The following RPS6KA2 variants were observed in gnomAD, a reference collection of about 807,000 sequenced individuals.
RPS6KA2 encodes the protein ribosomal protein S6 kinase A2, also known as ribosomal protein S6 kinase alpha-2.
Under a neutral mutation model 91.8 loss-of-function variants are expected in RPS6KA2, and 42 were observed. The observed-to-expected ratio is 0.46, with a 90% CI of 0.36 to 0.59. The LOEUF (loss-of-function observed/expected upper bound fraction) is 0.59. RPS6KA2 is among the 20% of genes least tolerant of loss of function. The pLI, the probability that RPS6KA2 is intolerant of heterozygous loss-of-function variation, is 0.00. For missense variants in RPS6KA2, 798 were observed against 978.5 expected (o/e 0.82, Z 2.46); for synonymous variants, 414 against 393.6 (o/e 1.05, Z -0.61).
intron 2 of RPS6KA2, among the ~76,000 whole-genome samples, chr6:166,718,093 C>T (rs1790066765): frequency 1.3e-5 from 2 of 152,314 alleles, no homozygotes; most frequent in South Asian, 4.1e-4. Flanking sequence ...GGTGATCCAC[C>T]CACCTCGGCC....
chr6:166,654,993 G>A (rs1331531957), intron 2 of RPS6KA2, among the ~76,000 whole-genome samples: 3 of 152,130 alleles, frequency 2.0e-5, no homozygotes, highest in Admixed American at 2.0e-4. Flanking sequence ...TTTCAAGGCT[G>A]AGGGTGGGGG....
At chr6:166,539,156 G>A (rs184605806) in intron 1 of RPS6KA2, among the ~76,000 whole-genome samples, 2 of 152,250 alleles carry the variant, frequency 1.3e-5, no homozygotes, top group East Asian at 3.9e-4. Flanking sequence ...CTGACCTCGC[G>A]ATCCACCTGC....
intron 2 of RPS6KA2, among the ~76,000 whole-genome samples, chr6:166,810,013 TA>T (rs944611490): frequency 2.0e-4 from 30 of 152,320 alleles, no homozygotes; most frequent in African/African-American, 7.0e-4. Flanking sequence ...CAGTTACGCA[TA>T]ACTGGAGAGG....
chr6:166,641,281 A>C (rs1414136719), intron 2 of RPS6KA2, among the ~76,000 whole-genome samples: 1 of 152,226 alleles, frequency 6.6e-6, no homozygotes, highest in Non-Finnish European at 1.5e-5. Flanking sequence ...ATTTGTATAA[A>C]TAATATAAAA....
At chr6:166,673,365 C>G (rs1163743776) in intron 2 of RPS6KA2, among the ~76,000 whole-genome samples, 3 of 152,206 alleles carry the variant, frequency 2.0e-5, no homozygotes, top group Non-Finnish European at 2.9e-5. Context: ...CCAACTGCAG[C>G]TGCCATAAGG....
intron 2 of RPS6KA2, among the ~76,000 whole-genome samples, chr6:166,670,459 G>A (rs919986308): frequency 1.3e-5 from 2 of 152,200 alleles, no homozygotes; most frequent in African/African-American, 4.8e-5. Flanking sequence ...TTTAATGCCA[G>A]TAAGTTTGGG....
intron 2 of RPS6KA2, among the ~76,000 whole-genome samples, chr6:166,762,952 T>G (rs1024650702): frequency 6.6e-6 from 1 of 152,252 alleles, no homozygotes; most frequent in Admixed American, 6.5e-5. Context: ...AAGTTCAGTT[T>G]CCTTTGGAAG....
chr6:166,524,236 C>T (rs1177690098), intron 3 of RPS6KA2, among the ~76,000 whole-genome samples: 1 of 152,200 alleles, frequency 6.6e-6, no homozygotes, highest in East Asian at 1.9e-4. Flanking sequence ...GAATGCATAT[C>T]TCCTCTAGGC....
intron 2 of RPS6KA2, among the ~76,000 whole-genome samples, chr6:166,747,598 C>T (rs1266351181): frequency 2.0e-5 from 3 of 152,212 alleles, no homozygotes; most frequent in South Asian, 2.1e-4. Flanking sequence ...CCCCTTTCCA[C>T]CACACAGACT....
In RPS6KA2 at chr6:166,495,136, G is replaced by C. The variant is rs113984430; in HGVS notation, c.747+3372C>G. ...GGGACTATTATGTGATCTTGAGCCC[G>C]ACACTTAGGCTCTTTCAGCTTTAGT... On this transcript the variant is annotated intron_variant, in intron 8 of 20. Transcript: ENST00000265678. This position sits in a 1 kb window ranked among gnomAD's most constrained non-coding sequence, Gnocchi z 4.4. 1.4e-4 allele frequency among the ~76,000 whole-genome samples: 21 copies of C among 152,206 alleles called. No homozygotes were observed. The highest frequency in any genetic ancestry group is 4.6e-4 in the African/African-American group (19 of 41,450).
intron 12 of RPS6KA2, among the ~76,000 whole-genome samples, chr6:166,455,686 G>T (rs375355034): frequency 6.6e-6 from 1 of 152,174 alleles, no homozygotes; most frequent in Non-Finnish European, 1.5e-5. Flanking sequence ...CTTTCTGAGC[G>T]GCTCTGCTTC....
intron 2 of RPS6KA2, among the ~76,000 whole-genome samples, chr6:166,789,613 C>T (rs9457214): frequency 6.6e-6 from 1 of 152,136 alleles, no homozygotes; most frequent in African/African-American, 2.4e-5. Flanking sequence ...AGACACCCCC[C>T]AGTAGGGGCA....
intron 12 of RPS6KA2, among the ~76,000 whole-genome samples, chr6:166,457,093 T>C (rs1780129380): frequency 6.6e-6 from 1 of 152,228 alleles, no homozygotes; most frequent in South Asian, 2.1e-4. Context: ...AACATAGACT[T>C]TCTTTCCACA....
intron 2 of RPS6KA2, among the ~76,000 whole-genome samples, chr6:166,778,532 G>A (rs1464541930): frequency 6.6e-6 from 1 of 152,174 alleles, no homozygotes; most frequent in African/African-American, 2.4e-5. Flanking sequence ...TTCGGAGGCC[G>A]AGATGGGTGG....
chr6:166,567,855 G>A (rs1387793876), intron 1 of RPS6KA2, among the ~76,000 whole-genome samples: 4 of 152,164 alleles, frequency 2.6e-5, no homozygotes, highest in South Asian at 2.1e-4. Context: ...CTAAGCTTAC[G>A]TTTCCCAAGG....
intron 16 of RPS6KA2, among the ~76,000 whole-genome samples, chr6:166,427,320 C>T (rs975382681): frequency 4.9e-4 from 74 of 152,254 alleles, no homozygotes; most frequent in Non-Finnish European, 7.6e-4. Context: ...TAAGAGCTAT[C>T]GATGACAAAC....
intron 2 of RPS6KA2, among the ~76,000 whole-genome samples, chr6:166,805,237 C>T (rs1485155184): frequency 3.9e-5 from 6 of 152,298 alleles, no homozygotes; most frequent in East Asian, 3.9e-4. Flanking sequence ...TTGTTCCTTT[C>T]GCAACCTGCA....
chr6:166,463,513 A>T (rs1225579891), intron 11 of RPS6KA2: 2 of 152,210 alleles, frequency 1.3e-5, no homozygotes, highest in African/African-American at 4.8e-5. Flanking sequence ...CAGGGCTGAA[A>T]CGAATTTCAC....
Position 166,419,801 on chromosome 6 carries a change from G to C in RPS6KA2, c.1820+81C>G. ...CACATGCGCACACTAGGACAGGGCT[G>C]GCCCTGGTCCCCTGACAGATCAGCC... On this transcript the variant is annotated intron_variant, in intron 18 of 20. Coordinates refer to ENST00000265678, the MANE Select transcript of RPS6KA2 (RefSeq NM_021135.6). The surrounding 1 kb of genome is among the most constrained non-coding windows in gnomAD (Gnocchi z 5.6). The C allele has an allele frequency of 2.3e-6, 3 of 1,285,990 alleles. No homozygotes were observed. Among genetic ancestry groups the C allele is most frequent in the Middle Eastern group, 1.9e-4 (1 of 5,400 alleles). The allele number at this position is 1,285,990 out of a possible 1,614,324, so 79.7% of individuals were successfully genotyped here. A position where few individuals can be genotyped will look rare whatever the true frequency, so the allele number is the denominator to read the frequency against.
Sources: gnomAD v4.1 joint callset for allele counts (sites outside exome capture counted in the v4.1 genomes callset) on GRCh38, gnomAD v4.1.1 for gene constraint, Gnocchi (gnomAD v3.1) non-coding constraint, MANE v1.5 for transcripts, NCBI Gene and HGNC (gene_info 2026-07-23, HGNC 2026-07-21) for gene names.